IRS2: variants seen among roughly 807,000 people sequenced by gnomAD.
The protein encoded by IRS2 is insulin receptor substrate 2.
Under a neutral mutation model 70.9 loss-of-function variants are expected in IRS2, and 28 were observed. That is an observed-to-expected ratio of 0.39 (90% CI 0.29 to 0.54). The LOEUF (loss-of-function observed/expected upper bound fraction) is 0.54. IRS2 is among the 20% of genes least tolerant of loss of function. The pLI is 0.59. For missense variants in IRS2, 2,081 were observed against 2,024.1 expected (o/e 1.03, Z -0.54); for synonymous variants, 1,217 against 981.9 (o/e 1.24, Z -4.48).
chr13:109,760,672 T>G (rs1354860122), intron 1 of IRS2, among the ~76,000 whole-genome samples: 1 of 152,046 alleles, frequency 6.6e-6, no homozygotes, highest in Non-Finnish European at 1.5e-5. Flanking sequence ...ATTCCTCCCC[T>G]TTTCTCCTCC....
intron 1 of IRS2, among the ~76,000 whole-genome samples, chr13:109,774,375 C>T (rs1195027967): frequency 1.3e-5 from 2 of 152,106 alleles, no homozygotes; most frequent in African/African-American, 4.8e-5. Context: ...ACTCTCCAAA[C>T]CGGAGGATGT....
intron 1 of IRS2, among the ~76,000 whole-genome samples, chr13:109,777,846 C>A (rs530110332): frequency 2.6e-5 from 4 of 152,278 alleles, no homozygotes; most frequent in African/African-American, 9.6e-5. Context: ...TAATTTAGAA[C>A]ACCACTTTGT....
rs1046358714 is a variant in IRS2, at chr13:109,756,107, G to A, written c.*197C>T. ...CAGCACAATGATGAATGCCCCATCC[G>A]GGAACAAGGGAAAGAGGCAGGTGAC... On this transcript the variant is annotated 3_prime_UTR_variant, in exon 2 of 2. Transcript: ENST00000375856. 26 of 569,674 alleles carry A rather than the reference G, an allele frequency of 4.6e-5. No individual in the cohort carries two copies. The highest frequency in any genetic ancestry group is 7.3e-4 in the Middle Eastern group (2 of 2,748). 35.3% of individuals were successfully genotyped at this position (569,674 alleles called of 1,614,324 possible). A position where few individuals can be genotyped will look rare whatever the true frequency, so the allele number is the denominator to read the frequency against.
At position 109,784,965 on chromosome 13, in the gene IRS2, G is replaced by T. The variant is rs1272392496; in HGVS notation, c.1089C>A (p.Thr363=). ...AAKCSSCRVR[T]ASEGDGGAAA... ...CCGCGCCGCCGTCGCCCTCGCTGGC[G>T]GTGCGCACCCGGCACGAGCTGCACT... The change falls in exon 1 of 2, where the codon ACC becomes ACA. Residue 363 remains threonine (T), a synonymous_variant. Transcript: ENST00000375856. The surrounding 1 kb of genome is among the most constrained non-coding windows in gnomAD (Gnocchi z 5.2). 1 of 1,207,938 alleles carries T rather than the reference G, an allele frequency of 8.3e-7. No individual in the cohort carries two copies. Among genetic ancestry groups the T allele is most frequent in the Non-Finnish European group, 1.0e-6 (1 of 973,308 alleles). The allele number at this position is 1,207,938 out of a possible 1,614,324, so 74.8% of individuals were successfully genotyped here. A position where few individuals can be genotyped will look rare whatever the true frequency, so the allele number is the denominator to read the frequency against.
chr13:109,785,112 C>A lies in IRS2; in HGVS notation c.942G>T (p.Thr314=). The A allele has an allele frequency of 6.3e-7, 1 of 1,591,104 alleles. No individual in the cohort carries two copies. The highest frequency in any genetic ancestry group is 8.5e-7 in the Non-Finnish European group (1 of 1,169,952). The stretch of plus-strand genomic sequence containing the variant: ...GCGCGCCGGGGACGCTGATGGGGTG[C>A]GTGGCCGACGACCCCGACGATTGGC... ...SKSQSSGSSA[T]HPISVPGARR... Residue 314 remains threonine (T), a synonymous_variant, in exon 1 of 2, where the codon ACG becomes ACT. Coordinates refer to ENST00000375856, the MANE Select transcript of IRS2 (RefSeq NM_003749.3). The surrounding 1 kb of genome is among the most constrained non-coding windows in gnomAD (Gnocchi z 9.3).
At chr13:109,770,027 C>T (rs529636810) in intron 1 of IRS2, among the ~76,000 whole-genome samples, 3 of 152,300 alleles carry the variant, frequency 2.0e-5, no homozygotes, top group African/African-American at 7.2e-5. Flanking sequence ...TGGGAGGAGA[C>T]TCATCTGTGA....
At position 109,784,951 on chromosome 13, in the gene IRS2, T is replaced by C. The variant is rs2138937150; in HGVS notation, c.1103A>G (p.Asp368Gly). ...SCRVRTASEG[D>G]GGAAAGAAAA... ...CGCCGCTCCCGCCGCCGCGCCGCCG[T>C]CGCCCTCGCTGGCGGTGCGCACCCG... is the stretch of plus-strand genomic sequence containing the variant. Residue 368 changes from aspartate to glycine, a missense_variant, in exon 1 of 2, where the codon GAC becomes GGC. This residue lies in a region of IRS2 where 111 missense variants were observed against 133.1 expected (regional missense o/e 0.83). Transcript: ENST00000375856. The surrounding 1 kb of genome is among the most constrained non-coding windows in gnomAD (Gnocchi z 5.2). The C allele has an allele frequency of 1.7e-6, 2 of 1,169,382 alleles. No homozygotes were observed. The highest frequency in any genetic ancestry group is 2.1e-6 in the Non-Finnish European group (2 of 948,600). The allele number at this position is 1,169,382 out of a possible 1,614,324, so 72.4% of individuals were successfully genotyped here.
chr13:109,760,492 A>T (rs1291505383), intron 1 of IRS2, among the ~76,000 whole-genome samples: 4 of 152,246 alleles, frequency 2.6e-5, no homozygotes, highest in Non-Finnish European at 4.4e-5. Flanking sequence ...GAGCAAATAA[A>T]ACCAACAAAC....
chr13:109,756,324 G>A lies in IRS2; in HGVS notation c.4013-16C>T. 6.2e-7 allele frequency: 1 copy of A among 1,611,694 alleles called. No individual in the cohort carries two copies. The highest frequency in any genetic ancestry group is 2.2e-5 in the East Asian group (1 of 44,856). On this transcript the variant is annotated splice_polypyrimidine_tract_variant and intron_variant, in intron 1 of 1. Coordinates refer to ENST00000375856, the MANE Select transcript of IRS2 (RefSeq NM_003749.3). ...GATCTTCACTCTGAAAAAGAAAGGA[G>A]GGAAGTTAGCAGAGACCCTCAGGAG... is the stretch of plus-strand genomic sequence containing the variant.
rs1439928276 is a variant in IRS2 at position 109,784,715 on chromosome 13, A to T, written c.1339T>A (p.Ser447Thr). 1 of 1,237,206 alleles carries T rather than the reference A, an allele frequency of 8.1e-7. No individual in the cohort carries two copies. The highest frequency in any genetic ancestry group is 1.0e-6 in the Non-Finnish European group (1 of 992,244). 76.6% of individuals were successfully genotyped at this position (1,237,206 alleles called of 1,614,324 possible). Residue 447 changes from serine (S) to threonine (T), a missense_variant, in exon 1 of 2, where the codon TCC becomes ACC. By Grantham distance (58) the Ser-to-Thr change is moderately conservative (BLOSUM62 1). This residue lies in a region of IRS2 where 1,615 missense variants were observed against 1,459.5 expected (regional missense o/e 1.11). Coordinates refer to ENST00000375856, the MANE Select transcript of IRS2 (RefSeq NM_003749.3). The surrounding 1 kb of genome is among the most constrained non-coding windows in gnomAD (Gnocchi z 5.2). Reference protein sequence around the residue: ...HSPPAATSPGSLSSSSGHGSG... With the variant: ...HSPPAATSPGTLSSSSGHGSG... ...CCGTGGCCGCTGCTGGACGACAGGG[A>T]GCCGGGGCTGGTGGCGGCGGGCGGC...
At chr13:109,775,601 C>G (rs1026903009) in intron 1 of IRS2, among the ~76,000 whole-genome samples, 2 of 152,142 alleles carry the variant, frequency 1.3e-5, no homozygotes, top group Middle Eastern at 3.4e-3. Flanking sequence ...AGTATTTGTA[C>G]TAACTGTATA....
chr13:109,782,000 C>T, intron 1 of IRS2, 42 bp downstream of exon 1: 1 of 1,603,624 alleles, frequency 6.2e-7, no homozygotes, highest in Non-Finnish European at 8.5e-7. Context: ...CAGCGCCCCG[C>T]CCCTCCTTCC....
In IRS2 at chr13:109,785,741, C is replaced by T. The variant is rs767956465; in HGVS notation, c.313G>A (p.Ala105Thr). The stretch of plus-strand genomic sequence containing the variant: ...ATCAGGTACTTGTGCTTGGCGTCGG[C>T]GCGCTTGTTGATGTTCAGGCAGCAG... Reference protein sequence around the residue: ...LDCCLNINKRADAKHKYLIAL... With the variant: ...LDCCLNINKRTDAKHKYLIAL... Residue 105 changes from alanine (A) to threonine (T), a missense_variant, in exon 1 of 2, where the codon GCC becomes ACC. Physicochemically the swap from Ala to Thr is moderately conservative, Grantham distance 58. This residue lies in a region of IRS2 where 320 missense variants were observed against 352.9 expected (regional missense o/e 0.91). Coordinates refer to ENST00000375856, the MANE Select transcript of IRS2 (RefSeq NM_003749.3). This position sits in a 1 kb window ranked among gnomAD's most constrained non-coding sequence, Gnocchi z 9.3. The T allele has an allele frequency of 1.9e-6, 3 of 1,597,300 alleles. No individual in the cohort carries two copies. The highest frequency in any genetic ancestry group is 1.1e-5 in the South Asian group (1 of 90,520).
At chr13:109,780,275 ACTGCTG>A (rs926732335) in intron 1 of IRS2, among the ~76,000 whole-genome samples, 3 of 152,170 alleles carry the variant, frequency 2.0e-5, no homozygotes, top group East Asian at 1.9e-4. Flanking sequence ...ACTCAATTAT[ACTGCTG>A]CTGCTGCTGC....
intron 1 of IRS2, among the ~76,000 whole-genome samples, chr13:109,759,411 C>T (rs976882637): frequency 6.6e-6 from 1 of 152,130 alleles, no homozygotes; most frequent in Non-Finnish European, 1.5e-5. Flanking sequence ...CAGAAACAAT[C>T]CTTTGCGGAG....
Position 109,784,941 on chromosome 13 carries a change from C to A in IRS2, c.1113G>T (p.Ala371=). The change falls in exon 1 of 2, where the codon GCG becomes GCT. Residue 371 remains alanine (A), a synonymous_variant. Transcript: ENST00000375856. This position sits in a 1 kb window ranked among gnomAD's most constrained non-coding sequence, Gnocchi z 5.2. ...CGCCCGCGGCCGCCGCTCCCGCCGC[C>A]GCGCCGCCGTCGCCCTCGCTGGCGG... The part of the protein sequence containing the change: ...VRTASEGDGG[A]AAGAAAAGAR... 9.0e-7 allele frequency: 1 copy of A among 1,113,484 alleles called. No individual in the cohort carries two copies. The highest frequency in any genetic ancestry group is 1.1e-6 in the Non-Finnish European group (1 of 913,424). 69.0% of individuals were successfully genotyped at this position (1,113,484 alleles called of 1,614,324 possible).
chr13:109,782,646 G>A lies in IRS2; in HGVS notation c.3408C>T (p.Ile1136=), dbSNP rs562604804. 1.8e-4 allele frequency: 276 copies of A among 1,571,642 alleles called. 1 individual carries two copies. The African/African-American group carries it at 3.0e-3, about 17-fold the overall frequency. Residue 1136 remains isoleucine, a synonymous_variant, in exon 1 of 2, where the codon ATC becomes ATT. Coordinates refer to ENST00000375856, the MANE Select transcript of IRS2 (RefSeq NM_003749.3). ...PPDPHRGAKV[I]RADPQGGRRR... ...GGCGGCCCCCCTGCGGGTCTGCGCG[G>A]ATGACCTTGGCGCCGCGGTGGGGGT...
intron 1 of IRS2, among the ~76,000 whole-genome samples, chr13:109,779,765 G>A (rs1010009563): frequency 3.3e-5 from 5 of 152,032 alleles, no homozygotes; most frequent in East Asian, 1.9e-4. Context: ...CACAAACTTC[G>A]GACAAACAGC....
rs2082326545 is a variant in IRS2 at position 109,755,201 on chromosome 13, GTTTC to G, written c.*1099_*1102del. ...GGGGCTGGAATGCCTCTTTTTATCAGTTTCTTTCTTTCCTTTTTTTTTTTTCTTT... is the reference window on the plus strand; with the variant it reads ...GGGGCTGGAATGCCTCTTTTTATCAGTTTCTTTCCTTTTTTTTTTTTCTTT... On this transcript the variant is annotated 3_prime_UTR_variant, in exon 2 of 2. Transcript: ENST00000375856. 1 of 213,586 alleles carries G rather than the reference GTTTC, an allele frequency of 4.7e-6. No individual in the cohort carries two copies. Among genetic ancestry groups the G allele is most frequent in the South Asian group, 2.0e-4 (1 of 4,974 alleles). 13.2% of individuals were successfully genotyped at this position (213,586 alleles called of 1,614,324 possible). A position where few individuals can be genotyped will look rare whatever the true frequency, so the allele number is the denominator to read the frequency against.
Sources: allele counts gnomAD v4.1 joint callset (sites outside exome capture counted in the v4.1 genomes callset), GRCh38; gene constraint gnomAD v4.1.1; regional missense constraint gnomAD v4.1.1; non-coding constraint Gnocchi (gnomAD v3.1); transcripts MANE v1.5; gene names NCBI Gene and HGNC (gene_info 2026-07-23, HGNC 2026-07-21).